The following FAM174A variants were observed in gnomAD, a reference collection of about 807,000 sequenced individuals.
FAM174A encodes the protein membrane protein FAM174A.
A neutral mutation model predicts 14.3 loss-of-function variants in FAM174A; 14 were observed. That is an observed-to-expected ratio of 0.98 (90% CI 0.65 to 1.53). FAM174A has a LOEUF of 1.53. FAM174A is among the 40% of genes most tolerant of loss of function. The pLI, the probability that FAM174A is intolerant of heterozygous loss-of-function variation, is 0.00. For missense variants in FAM174A, 241 were observed against 249.6 expected, an observed-to-expected ratio of 0.97 and a Z score of 0.23; for synonymous variants, 108 against 111.4, an observed-to-expected ratio of 0.97 and a Z score of 0.19.
intron 2 of FAM174A, among the ~76,000 whole-genome samples, chr5:100,564,137 A>T (rs377283592): frequency 6.6e-6 from 1 of 152,012 alleles, no homozygotes; most frequent in African/African-American, 2.4e-5. Flanking sequence ...TATGCTCAGA[A>T]GCCAAGCAGA....
At chr5:100,584,771 T>G (rs1162922057) in intron 2 of FAM174A, among the ~76,000 whole-genome samples, 1 of 152,228 alleles carries the variant, frequency 6.6e-6, no homozygotes, top group Non-Finnish European at 1.5e-5. Context: ...TCACATTTTT[T>G]TTTCCTTTGT....
chr5:100,571,508 T>C (rs1165870722), intron 2 of FAM174A, among the ~76,000 whole-genome samples: 1 of 150,546 alleles, frequency 6.6e-6, no homozygotes, highest in East Asian at 1.9e-4. Flanking sequence ...AATTTTCACA[T>C]AACTGCTTTT....
chr5:100,586,188 T>C lies in FAM174A; in HGVS notation c.*4T>C. The C allele has an allele frequency of 7.1e-7, 1 of 1,417,532 alleles. No individual in the cohort carries two copies. The highest frequency in any genetic ancestry group is 9.7e-7 in the Non-Finnish European group (1 of 1,029,382). The allele number at this position is 1,417,532 out of a possible 1,614,324, so 87.8% of individuals were successfully genotyped here. A position where few individuals can be genotyped will look rare whatever the true frequency, so the allele number is the denominator to read the frequency against. ...TTTTTCTTTTTCTTGCAGATAAGAA[T>C]GTGCCTTTTGATGAAAGAACTTTAT... On this transcript the variant is annotated 3_prime_UTR_variant, in exon 3 of 3. Coordinates refer to ENST00000312637, the MANE Select transcript of FAM174A (RefSeq NM_198507.3).
chr5:100,572,062 T>C (rs993496115), intron 2 of FAM174A, among the ~76,000 whole-genome samples: 1 of 152,060 alleles, frequency 6.6e-6, no homozygotes, highest in Admixed American at 6.6e-5. Context: ...ATTAATTTTT[T>C]TAAGAACTGT....
In FAM174A at chr5:100,558,182, C is replaced by T. The variant is rs571173800; in HGVS notation, c.435-3872C>T. On this transcript the variant is annotated intron_variant, in intron 1 of 2. Coordinates refer to ENST00000312637, the MANE Select transcript of FAM174A (RefSeq NM_198507.3). ...CAAAGAACATCTTTATTTCTGCCTT[C>T]ATTTCGTTATGTACCCAGTAGTCAT... 3.3e-5 allele frequency among the ~76,000 whole-genome samples: 5 copies of T among 152,302 alleles called. No homozygotes were observed. The South Asian group carries it at 6.2e-4, about 19-fold the overall frequency.
chr5:100,578,664 A>G (rs368095168), intron 2 of FAM174A, among the ~76,000 whole-genome samples: 1 of 151,920 alleles, frequency 6.6e-6, no homozygotes, highest in Admixed American at 6.6e-5. Flanking sequence ...TTTTTTCTCT[A>G]TTTTTTTGAT....
intron 2 of FAM174A, among the ~76,000 whole-genome samples, chr5:100,575,692 A>C (rs1746889690): frequency 1.3e-5 from 2 of 152,202 alleles, no homozygotes; most frequent in African/African-American, 2.4e-5. Context: ...ATGGTATCTA[A>C]TTAAATTAAA....
At chr5:100,541,936 T>A (rs1746061860) in intron 1 of FAM174A, among the ~76,000 whole-genome samples, 1 of 152,216 alleles carries the variant, frequency 6.6e-6, no homozygotes, top group Non-Finnish European at 1.5e-5. Context: ...TTGCCTAGCT[T>A]CTTCATGAAT....
intron 2 of FAM174A, among the ~76,000 whole-genome samples, chr5:100,583,158 T>C (rs1747054221): frequency 6.6e-6 from 1 of 152,054 alleles, no homozygotes. Context: ...CTCATAAAGG[T>C]CTTCATCCTT....
chr5:100,555,615 G>A (rs1415047732), intron 1 of FAM174A, among the ~76,000 whole-genome samples: 2 of 152,066 alleles, frequency 1.3e-5, no homozygotes, highest in East Asian at 1.9e-4. Flanking sequence ...TTGAATGATC[G>A]CCATTCTAAC....
intron 1 of FAM174A, among the ~76,000 whole-genome samples, chr5:100,553,984 TAAC>T (rs1746313130): frequency 6.6e-6 from 1 of 152,172 alleles, no homozygotes; most frequent in Admixed American, 6.6e-5. Context: ...GTCTTGTGAC[TAAC>T]AATGACAGGT....
chr5:100,535,727 C>T lies in FAM174A; in HGVS notation c.197C>T (p.Pro66Leu). ...CCGGGCCCTACCCCTGCCCAGCAGC[C>T]GGGCCGTGGTCTGGCTGAAGCTGCG... is the stretch of plus-strand genomic sequence containing the variant. ...LPPGPTPAQQ[P>L]GRGLAEAAGP... The change falls in exon 1 of 3, where the codon CCG becomes CTG. Residue 66 changes from proline (P) to leucine (L), a missense_variant. Coordinates refer to ENST00000312637, the MANE Select transcript of FAM174A (RefSeq NM_198507.3). The T allele has an allele frequency of 1.0e-5, 16 of 1,604,652 alleles. No homozygotes were observed. The highest frequency in any genetic ancestry group is 1.4e-5 in the Non-Finnish European group (16 of 1,177,042).
intron 1 of FAM174A, among the ~76,000 whole-genome samples, chr5:100,549,018 G>C (rs1443269146): frequency 2.0e-5 from 3 of 151,812 alleles, no homozygotes; most frequent in Admixed American, 2.0e-4. Context: ...ATCTCTCTCT[G>C]TATTTATATA....
chr5:100,544,408 GGA>G (rs144016021), intron 1 of FAM174A, among the ~76,000 whole-genome samples: 84 of 145,860 alleles, frequency 5.8e-4, no homozygotes, highest in East Asian at 1.8e-3. Flanking sequence ...ATGAGATCCT[GGA>G]GAGAGAGAGA....
chr5:100,585,642 T>C (rs1057441469), intron 2 of FAM174A, among the ~76,000 whole-genome samples: 3 of 152,062 alleles, frequency 2.0e-5, no homozygotes, highest in African/African-American at 4.8e-5. Flanking sequence ...TTAAACTCCT[T>C]ACCTCAAGTG....
intron 2 of FAM174A, among the ~76,000 whole-genome samples, chr5:100,577,677 A>G (rs1746930068): frequency 6.6e-6 from 1 of 152,074 alleles, no homozygotes; most frequent in Non-Finnish European, 1.5e-5. Context: ...GTCAAAGTAA[A>G]TAGAATATAA....
At chr5:100,576,554 G>A (rs2112401360) in intron 2 of FAM174A, among the ~76,000 whole-genome samples, 1 of 152,134 alleles carries the variant, frequency 6.6e-6, no homozygotes, top group East Asian at 1.9e-4. Flanking sequence ...TCCAGGATTA[G>A]ATTATGAGAT....
intron 2 of FAM174A, among the ~76,000 whole-genome samples, chr5:100,571,887 A>T (rs1177907972): frequency 1.3e-5 from 2 of 151,868 alleles, no homozygotes; most frequent in Non-Finnish European, 2.9e-5. Flanking sequence ...GGCTATAGTT[A>T]CATGTGTTAT....
In FAM174A at chr5:100,540,710, G is replaced by A. The variant is rs148674358; in HGVS notation, c.434+4746G>A. On this transcript the variant is annotated intron_variant, in intron 1 of 2. Transcript: ENST00000312637. ...GATGATGACATAACTGATATGTCAG[G>A]GATCATAATCCCTGATATGATTATC... Among the ~76,000 whole-genome samples the A allele has an allele frequency of 6.4e-3, 973 of 152,090 alleles. 9 individuals are homozygous for A. Among genetic ancestry groups the A allele is most frequent in the Middle Eastern group, 0.024 (7 of 294 alleles).
Sources: gnomAD v4.1 joint callset for allele counts (sites outside exome capture counted in the v4.1 genomes callset) on GRCh38, gnomAD v4.1.1 for gene constraint, MANE v1.5 for transcripts, NCBI Gene and HGNC (gene_info 2026-07-23, HGNC 2026-07-21) for gene names.